KLF8: variants seen among roughly 807,000 people sequenced by gnomAD.
KLF8 encodes the protein Krueppel-like factor 8.
In KLF8, 10 loss-of-function variants were observed where a neutral mutation model predicts 18.2. That is an observed-to-expected ratio of 0.55 (90% CI 0.34 to 0.93). KLF8 has a LOEUF of 0.93. Among genes scored for constraint, KLF8 ranks in the 40% least tolerant of loss-of-function variants. The pLI, the probability that KLF8 is intolerant of heterozygous loss-of-function variation, is 0.02. For synonymous variants in KLF8, 109 were observed against 97.3 expected, an observed-to-expected ratio of 1.12 and a Z score of -0.71; for missense variants, 264 against 277.9, an observed-to-expected ratio of 0.95 and a Z score of 0.36.
intron 5 of KLF8, among the ~76,000 whole-genome samples, chrX:56,281,854 C>G (rs969553480): frequency 8.9e-6 from 1 of 112,625 alleles, no homozygotes; most frequent in African/African-American, 3.2e-5. Flanking sequence ...TTGGCACAAA[C>G]AGGAGCTTGT....
chrX:56,109,529 C>T, the KLF8 span, among the ~76,000 whole-genome samples: 4 of 110,844 alleles, frequency 3.6e-5, no homozygotes, highest in Non-Finnish European at 7.6e-5. Flanking sequence ...TTTTCCATGT[C>T]CTCTCTTCTC....
At chrX:56,015,801 A>G in the KLF8 span, among the ~76,000 whole-genome samples, 24,163 of 111,147 alleles carry the variant, frequency 0.22, 5,412 homozygotes, top group African/African-American at 0.69. Context: ...GGAGACTAAC[A>G]TAAGAGACCC....
chrX:56,266,411 TTCCTGAAAAATAATAC>T, intron 3 of KLF8: 1 of 717,076 alleles, frequency 1.4e-6, no homozygotes, highest in African/African-American at 2.3e-5. Context: ...GAATTGTAAA[TTCCTGAAAAATAATAC>T]TCTATCTTAA....
chrX:56,280,048 T>G (rs2067179567), intron 5 of KLF8, among the ~76,000 whole-genome samples: 1 of 111,670 alleles, frequency 9.0e-6, no homozygotes, highest in Non-Finnish European at 1.9e-5. Context: ...GACTCTTTGC[T>G]TATCTGCAAA....
At position 56,265,489 on chromosome X, in the gene KLF8, A is replaced by C; in HGVS notation, c.391A>C (p.Thr131Pro). ...GTCCACGTCAACATCTGACATGAGCACTTCAGCAAACATTCCTACTGTTCT... is the reference window on the plus strand; with the variant it reads ...GTCCACGTCAACATCTGACATGAGCCCTTCAGCAAACATTCCTACTGTTCT... ...VVSTSTSDMS[T>P]SANIPTVLTP... Residue 131 changes from threonine (T) to proline (P), a missense_variant, in exon 3 of 6, where the codon ACT becomes CCT. Around this residue, in one of 2 missense-constraint regions of KLF8, gnomAD observed 221 missense variants for 193.6 expected, o/e 1.14. Coordinates refer to ENST00000468660, the MANE Select transcript of KLF8 (RefSeq NM_007250.5). The C allele has an allele frequency of 1.7e-6, 2 of 1,211,818 alleles. No individual in the cohort carries two copies. The highest frequency in any genetic ancestry group is 1.1e-6 in the Non-Finnish European group (1 of 895,519).
intron 5 of KLF8, among the ~76,000 whole-genome samples, chrX:56,277,219 TA>T (rs1307885873): frequency 8.9e-6 from 1 of 111,955 alleles, no homozygotes; most frequent in African/African-American, 3.2e-5. Flanking sequence ...TGCTTGTAGA[TA>T]TTCATTAGCG....
At chrX:56,030,385 TAA>T in the KLF8 span, among the ~76,000 whole-genome samples, 1 of 111,675 alleles carries the variant, frequency 9.0e-6, no homozygotes, top group Non-Finnish European at 1.9e-5. Context: ...TCATCTGTGT[TAA>T]AGAGGTACAT....
At chrX:55,972,000 C>CTCCATAAAA in the KLF8 span, among the ~76,000 whole-genome samples, 4 of 110,281 alleles carry the variant, frequency 3.6e-5, no homozygotes, top group African/African-American at 1.3e-4. Context: ...CCATTTGGTT[C>CTCCATAAAA]TCCATAAAAT....
chrX:56,225,205 A>C, the KLF8 span, among the ~76,000 whole-genome samples: 3 of 111,461 alleles, frequency 2.7e-5, no homozygotes, highest in Non-Finnish European at 5.6e-5. Context: ...TTAAACATTT[A>C]GATCTTTTCA....
the KLF8 span, among the ~76,000 whole-genome samples, chrX:56,205,722 T>G: frequency 8.9e-6 from 1 of 111,798 alleles, no homozygotes; most frequent in African/African-American, 3.3e-5. Context: ...ATAATTTGAG[T>G]AGGATTGGTG....
At chrX:56,087,472 C>G in the KLF8 span, among the ~76,000 whole-genome samples, 2 of 110,587 alleles carry the variant, frequency 1.8e-5, no homozygotes, top group African/African-American at 3.3e-5. Flanking sequence ...ATGTGACATG[C>G]CTGTTCCCAC....
intron 2 of KLF8, among the ~76,000 whole-genome samples, chrX:56,264,826 C>G (rs1008539275): frequency 2.7e-5 from 3 of 111,757 alleles, no homozygotes; most frequent in Non-Finnish European, 5.6e-5. Flanking sequence ...TCACATTATT[C>G]TATCATTATA....
chrX:56,104,899 A>G, the KLF8 span, among the ~76,000 whole-genome samples: 1 of 111,798 alleles, frequency 8.9e-6, no homozygotes, highest in South Asian at 3.7e-4. Flanking sequence ...TGTCCCAGAG[A>G]TTCTGGTACG....
the KLF8 span, among the ~76,000 whole-genome samples, chrX:56,073,967 C>T: frequency 2.7e-5 from 3 of 111,425 alleles, no homozygotes; most frequent in African/African-American, 6.5e-5. Context: ...AGGCTGGTCT[C>T]GAACTCTTGA....
chrX:56,215,327 G>C, the KLF8 span, among the ~76,000 whole-genome samples: 1 of 111,444 alleles, frequency 9.0e-6, no homozygotes, highest in African/African-American at 3.3e-5. Context: ...GAGTTTCTTG[G>C]ACAAAAGATA....
At chrX:56,279,894 C>T (rs1472033570) in intron 5 of KLF8, among the ~76,000 whole-genome samples, 1 of 111,945 alleles carries the variant, frequency 8.9e-6, no homozygotes, top group Non-Finnish European at 1.9e-5. Flanking sequence ...TTCTCTATTG[C>T]TAGTATTCCA....
chrX:55,934,042 C>T, the KLF8 span, among the ~76,000 whole-genome samples: 1 of 111,621 alleles, frequency 9.0e-6, no homozygotes, highest in Non-Finnish European at 1.9e-5. Flanking sequence ...CAATGTGTAT[C>T]CTAGAATTGA....
the KLF8 span, among the ~76,000 whole-genome samples, chrX:56,187,101 A>T: frequency 8.9e-6 from 1 of 111,760 alleles, no homozygotes; most frequent in Non-Finnish European, 1.9e-5. Flanking sequence ...TTTTGAAAGG[A>T]TCAACAAAAT....
At chrX:56,160,289 A>G in the KLF8 span, among the ~76,000 whole-genome samples, 3 of 111,634 alleles carry the variant, frequency 2.7e-5, no homozygotes, top group African/African-American at 9.8e-5. Flanking sequence ...TACATTTGCT[A>G]AGGAGACCTT....
Sources: gnomAD v4.1 joint callset for allele counts (sites outside exome capture counted in the v4.1 genomes callset) on GRCh38, gnomAD v4.1.1 for gene constraint, gnomAD v4.1.1 regional missense constraint, MANE v1.5 for transcripts, NCBI Gene and HGNC (gene_info 2026-07-23, HGNC 2026-07-21) for gene names.